The following ECPAS variants were observed in gnomAD, a reference collection of about 807,000 sequenced individuals.
ECPAS encodes the protein Ecm29 proteasome adaptor and scaffold.
In ECPAS, 70 loss-of-function variants were observed where a neutral mutation model predicts 255.1. That is an observed-to-expected ratio of 0.27 (90% CI 0.23 to 0.33). The LOEUF is 0.33. Ranked by LOEUF, ECPAS falls within the 10% of genes least tolerant of loss-of-function variation. The pLI is 1.00. For missense variants in ECPAS, 1,817 were observed against 2,206.4 expected (o/e 0.82, Z 3.54); for synonymous variants, 784 against 775.0 (o/e 1.01, Z -0.19).
chr9:111,370,602 T>C lies in ECPAS; in HGVS notation c.4807A>G (p.Asn1603Asp), dbSNP rs1452881941. Residue 1603 changes from asparagine to aspartate, a missense_variant, in exon 45 of 50, where the codon AAT becomes GAT. By Grantham distance (23) the Asn-to-Asp change is conservative. Around this residue, in one of 4 missense-constraint regions of ECPAS, gnomAD observed 960 missense variants for 1,179.0 expected, o/e 0.81. Coordinates refer to ENST00000684092, the MANE Select transcript of ECPAS (RefSeq NM_001364929.1). ...AGAATTTCATTTGTGCTGGGTTGAT[T>C]GGGCACAGACTTTTCCAGCTCTGCA... is the stretch of plus-strand genomic sequence containing the variant. ...CSAELEKSVP[N>D]QPSTNEILQA... The C allele has an allele frequency of 2.5e-6, 4 of 1,611,064 alleles. No individual in the cohort carries two copies. Among genetic ancestry groups the C allele is most frequent in the Non-Finnish European group, 3.4e-6 (4 of 1,178,596 alleles).
At chr9:111,381,684 T>G (rs143005092) in intron 35 of ECPAS, among the ~76,000 whole-genome samples, 1,768 of 152,324 alleles carry the variant, frequency 0.012, 13 homozygotes, top group Non-Finnish European at 0.019. Flanking sequence ...TAAACTTCAC[T>G]ATGAATATCT....
At chr9:111,379,369 T>C (rs757164361) in intron 35 of ECPAS, among the ~76,000 whole-genome samples, 2 of 152,220 alleles carry the variant, frequency 1.3e-5, no homozygotes, top group Non-Finnish European at 2.9e-5. Context: ...GCAATAGCAT[T>C]ATGTCTAAAA....
At chr9:111,468,655 G>GCA (rs2098282442) in intron 2 of ECPAS, among the ~76,000 whole-genome samples, 1 of 140,292 alleles carries the variant, frequency 7.1e-6, no homozygotes, top group African/African-American at 2.5e-5. Flanking sequence ...GAGAGAGAGC[G>GCA]AGCGTGTGTG....
chr9:111,371,550 G>A (rs1341074826), intron 43 of ECPAS, 71 bp downstream of exon 43: 2 of 1,344,594 alleles, frequency 1.5e-6, no homozygotes. Context: ...CACAAAACCA[G>A]ATCGTTACTA....
intron 48 of ECPAS, 133 bp from the exon 49 acceptor site, chr9:111,363,792 T>A (rs1345559562): frequency 7.1e-6 from 4 of 564,436 alleles, no homozygotes; most frequent in Admixed American, 3.7e-5. Context: ...TTTTTTTTTT[T>A]AAAGGAAGCT....
chr9:111,458,571 G>T (rs1358792069), intron 2 of ECPAS, among the ~76,000 whole-genome samples: 1 of 150,384 alleles, frequency 6.6e-6, no homozygotes, highest in Non-Finnish European at 1.5e-5. Context: ...ACACTAGAAA[G>T]ACTAATCATC....
At chr9:111,413,753 G>C (rs915684730) in intron 20 of ECPAS, 142 bp downstream of exon 20, 14 of 459,790 alleles carry the variant, frequency 3.0e-5, no homozygotes, top group Non-Finnish European at 5.3e-5. Flanking sequence ...ATGCTTCCCA[G>C]TAAGTGTCTG....
At position 111,480,803 on chromosome 9, in the gene ECPAS, C is replaced by A. The variant is rs562842290; in HGVS notation, c.-83+3313G>T. Reference sequence around the variant, plus strand: ...CTGTGGCTGATGACTGACAATTTAACTGAACAAAACAAGAAGAAGGCAAGG... The same window carrying A: ...CTGTGGCTGATGACTGACAATTTAAATGAACAAAACAAGAAGAAGGCAAGG... On this transcript the variant is annotated intron_variant, in intron 1 of 49. Transcript: ENST00000684092. 4.6e-5 allele frequency among the ~76,000 whole-genome samples: 7 copies of A among 152,284 alleles called. No homozygotes were observed. The South Asian group carries it at 1.2e-3, about 27-fold the overall frequency.
intron 22 of ECPAS, 141 bp downstream of exon 22, chr9:111,410,839 A>G: frequency 3.3e-6 from 3 of 915,792 alleles, no homozygotes; most frequent in Non-Finnish European, 5.0e-6. Flanking sequence ...CTAAAAATAC[A>G]TTATTTATCA....
At chr9:111,465,237 G>C (rs2098278007) in intron 2 of ECPAS, among the ~76,000 whole-genome samples, 1 of 150,200 alleles carries the variant, frequency 6.7e-6, no homozygotes, top group South Asian at 2.1e-4. Flanking sequence ...ATACATAAAT[G>C]TTAATAAGAT....
chr9:111,383,075 C>G (rs780093835), intron 35 of ECPAS, 136 bp downstream of exon 35: 2 of 1,028,128 alleles, frequency 1.9e-6, no homozygotes, highest in Non-Finnish European at 1.4e-6. Context: ...TTGTGACTCA[C>G]AAGTTTTCAC....
At chr9:111,402,606 C>T (rs543043634) in intron 24 of ECPAS, among the ~76,000 whole-genome samples, 2 of 151,976 alleles carry the variant, frequency 1.3e-5, no homozygotes, top group South Asian at 4.1e-4. Context: ...AAAATAATGA[C>T]CACAACAATT....
intron 10 of ECPAS, among the ~76,000 whole-genome samples, chr9:111,427,584 T>C (rs796370666): frequency 3.3e-5 from 5 of 152,364 alleles, no homozygotes; most frequent in African/African-American, 9.6e-5. Flanking sequence ...GGAATATGTG[T>C]ACATACATAA....
In ECPAS at chr9:111,369,145, G is replaced by C. The variant is rs765618909; in HGVS notation, c.5003C>G (p.Thr1668Arg). 1.0e-5 allele frequency: 16 copies of C among 1,597,692 alleles called. No individual in the cohort carries two copies. The highest frequency in any genetic ancestry group is 1.3e-5 in the Non-Finnish European group (15 of 1,174,682). The change falls in exon 46 of 50, where the codon ACA (threonine) becomes AGA (arginine). Residue 1668 changes from threonine (T) to arginine (R), a missense_variant. Coordinates refer to ENST00000684092, the MANE Select transcript of ECPAS (RefSeq NM_001364929.1). ...KNSLESSGVR[T>R]TKNEEENEKE... ...TTCATTCTCCTCTTCATTTTTGGTT[G>C]TCCGGACCCCACTGCTTTCAAGTGA...
intron 48 of ECPAS, 62 bp downstream of exon 48, chr9:111,366,177 A>T: frequency 9.3e-7 from 1 of 1,073,998 alleles, no homozygotes; most frequent in Non-Finnish European, 1.4e-6. Flanking sequence ...GAAATATTTG[A>T]AGCTCAGCTC....
chr9:111,368,532 C>T (rs1183693641), intron 46 of ECPAS, among the ~76,000 whole-genome samples: 1 of 152,092 alleles, frequency 6.6e-6, no homozygotes, highest in Non-Finnish European at 1.5e-5. Context: ...AATACTATCC[C>T]CCAGTACCTC....
chr9:111,456,937 T>G (rs1418034609), intron 2 of ECPAS, among the ~76,000 whole-genome samples: 1 of 152,100 alleles, frequency 6.6e-6, no homozygotes, highest in South Asian at 2.1e-4. Context: ...ACAGACTGTT[T>G]GCGAACAACA....
chr9:111,433,371 C>G lies in ECPAS; in HGVS notation c.710G>C (p.Cys237Ser). The change falls in exon 8 of 50, where the codon TGC becomes TCC. Residue 237 changes from cysteine (C) to serine (S), a missense_variant and splice_region_variant. This residue lies in a region of ECPAS where 573 missense variants were observed against 716.2 expected (regional missense o/e 0.80). Coordinates refer to ENST00000684092, the MANE Select transcript of ECPAS (RefSeq NM_001364929.1). ...TATGAATTTCACGATTCCCAATTTGCACTGTAGATAAATGAAGGGAAGGAG... is the reference window on the plus strand; with the variant it reads ...TATGAATTTCACGATTCCCAATTTGGACTGTAGATAAATGAAGGGAAGGAG... ...NPWTPEQLEQCKLGIVKFIEA... is the reference protein window; with the variant it reads ...NPWTPEQLEQSKLGIVKFIEA... The G allele has an allele frequency of 6.2e-7, 1 of 1,613,818 alleles. No homozygotes were observed. Among genetic ancestry groups the G allele is most frequent in the Non-Finnish European group, 8.5e-7 (1 of 1,179,824 alleles).
intron 1 of ECPAS, among the ~76,000 whole-genome samples, chr9:111,473,749 T>C (rs2098292520): frequency 6.6e-6 from 1 of 152,166 alleles, no homozygotes; most frequent in Non-Finnish European, 1.5e-5. Context: ...GGCAGATTGC[T>C]TGAGTACAGG....
Sources: gnomAD v4.1 joint callset for allele counts (sites outside exome capture counted in the v4.1 genomes callset) on GRCh38, gnomAD v4.1.1 for gene constraint, gnomAD v4.1.1 regional missense constraint, MANE v1.5 for transcripts, NCBI Gene and HGNC (gene_info 2026-07-23, HGNC 2026-07-21) for gene names.